The following RADIL variants were observed in gnomAD, a reference collection of about 807,000 sequenced individuals.
The protein encoded by RADIL is ras-associating and dilute domain-containing protein.
In RADIL, 99 loss-of-function variants were observed where a neutral mutation model predicts 97.6. That is an observed-to-expected ratio of 1.01 (90% CI 0.86 to 1.20). The LOEUF is 1.20. Among genes scored for constraint, RADIL ranks in the 50% most tolerant of loss-of-function variants. The probability of loss-of-function intolerance (pLI) is 0.00; values close to 1 mark genes in which losing one functional copy is unlikely to be tolerated. For missense variants in RADIL, 1,765 were observed against 1,498.9 expected (o/e 1.18, Z -2.93); for synonymous variants, 803 against 691.8 (o/e 1.16, Z -2.52).
rs1008431965 is a variant in RADIL at position 4,861,998 on chromosome 7, G to A, written c.535+15607C>T. 14 of 441,148 alleles carry A rather than the reference G, an allele frequency of 3.2e-5. No individual in the cohort carries two copies. The East Asian group carries it at 3.8e-4, about 12-fold the overall frequency. The allele number at this position is 441,148 out of a possible 1,614,324, so 27.3% of individuals were successfully genotyped here. On this transcript the variant is annotated intron_variant, in intron 2 of 14. Transcript: ENST00000399583. ...TCCTTCCCCTCAGCCCCAACATGGC[G>A]CCAGACCCCTCAGCGGCTGCGTTCC...
intron 9 of RADIL, among the ~76,000 whole-genome samples, chr7:4,806,932 G>T (rs535008744): frequency 2.0e-5 from 3 of 152,284 alleles, no homozygotes; most frequent in Non-Finnish European, 4.4e-5. Context: ...AAGCCTGTGG[G>T]TTCTCTGCAC....
At chr7:4,845,286 G>A (rs1230299810) in intron 2 of RADIL, among the ~76,000 whole-genome samples, 1 of 152,034 alleles carries the variant, frequency 6.6e-6, no homozygotes, top group Non-Finnish European at 1.5e-5. Context: ...AGATGTGGTG[G>A]GACACGTCTT....
chr7:4,847,899 T>C (rs147626756), intron 2 of RADIL, among the ~76,000 whole-genome samples: 214 of 151,996 alleles, frequency 1.4e-3, no homozygotes, highest in African/African-American at 4.9e-3. Flanking sequence ...GATCTTTTGG[T>C]GATGAAAACG....
Position 4,817,457 on chromosome 7 carries a change from C to A in RADIL, c.1616-106G>T, listed in dbSNP as rs1205291296. 3 of 970,890 alleles carry A rather than the reference C, an allele frequency of 3.1e-6. No individual in the cohort carries two copies. In the African/African-American group the frequency reaches 4.9e-5, roughly 16 times the overall value. The allele number at this position is 970,890 out of a possible 1,614,324, so 60.1% of individuals were successfully genotyped here. ...TCCCTGGCGCGGGCACCACCCAACGCGCCCATCTGGGGTCCAGATGCGATA... is the reference window on the plus strand; with the variant it reads ...TCCCTGGCGCGGGCACCACCCAACGAGCCCATCTGGGGTCCAGATGCGATA... On this transcript the variant is annotated intron_variant, in intron 6 of 14. Transcript: ENST00000399583. The surrounding 1 kb of genome is among the most constrained non-coding windows in gnomAD (Gnocchi z 8.3).
rs368969739 is a variant in RADIL, at chr7:4,877,999, G to A, written c.141C>T (p.Gly47=). 3.5e-5 allele frequency: 57 copies of A among 1,609,952 alleles called. No individual in the cohort carries two copies. The highest frequency in any genetic ancestry group is 3.0e-4 in the African/African-American group (22 of 74,318). ...RDLDSTFSSL[G]ASDDPAELST... ...AGAGCTCGGCGGGGTCATCGCTGGCGCCCAGGCTGGAGAAGGTGGAGTCCA... is the reference window on the plus strand; with the variant it reads ...AGAGCTCGGCGGGGTCATCGCTGGCACCCAGGCTGGAGAAGGTGGAGTCCA... The change falls in exon 2 of 15, where the codon GGC becomes GGT. Residue 47 remains glycine, a synonymous_variant. Coordinates refer to ENST00000399583, the MANE Select transcript of RADIL (RefSeq NM_018059.5).
chr7:4,832,696 G>A (rs181958286), intron 4 of RADIL, among the ~76,000 whole-genome samples: 73 of 136,368 alleles, frequency 5.4e-4, no homozygotes, highest in African/African-American at 1.9e-3. Context: ...ACGAGATCAC[G>A]CCACCGCACT....
intron 9 of RADIL, among the ~76,000 whole-genome samples, chr7:4,811,469 G>A (rs1430206390): frequency 7.0e-6 from 1 of 142,700 alleles, no homozygotes; most frequent in Non-Finnish European, 1.5e-5. Flanking sequence ...TGGTACTGAT[G>A]GTATTATTTC....
chr7:4,832,247 A>C, intron 4 of RADIL, 69 bp from the exon 5 acceptor site: 2 of 1,466,250 alleles, frequency 1.4e-6, no homozygotes, highest in Non-Finnish European at 1.9e-6. Context: ...GTTCAAATAC[A>C]CGATACCATC....
Position 4,840,122 on chromosome 7 carries a change from C to G in RADIL, c.536-3517G>C, listed in dbSNP as rs994064300. ...GCTCACGTGTGGCTTTGTGACTTGG[C>G]CCTGTCCCAAGATGAGGCTGCGGCA... is the stretch of plus-strand genomic sequence containing the variant. On this transcript the variant is annotated intron_variant, in intron 2 of 14. Coordinates refer to ENST00000399583, the MANE Select transcript of RADIL (RefSeq NM_018059.5). The surrounding 1 kb of genome is among the most constrained non-coding windows in gnomAD (Gnocchi z 5.6). Among the ~76,000 whole-genome samples the G allele has an allele frequency of 9.2e-5, 14 of 152,204 alleles. No individual in the cohort carries two copies. Among genetic ancestry groups the G allele is most frequent in the African/African-American group, 3.1e-4 (13 of 41,458 alleles).
At chr7:4,866,915 A>G (rs1784143701) in intron 2 of RADIL, among the ~76,000 whole-genome samples, 2 of 152,232 alleles carry the variant, frequency 1.3e-5, no homozygotes, top group Non-Finnish European at 2.9e-5. Flanking sequence ...TGGCAAGACC[A>G]GATCGAGAAT....
chr7:4,836,234 A>G, intron 3 of RADIL, 124 bp downstream of exon 3: 1 of 1,405,854 alleles, frequency 7.1e-7, no homozygotes, highest in Non-Finnish European at 9.6e-7. Flanking sequence ...GCACAGCCAG[A>G]GGGGCTGCAG....
At chr7:4,846,110 G>C (rs554161842) in intron 2 of RADIL, among the ~76,000 whole-genome samples, 1 of 147,708 alleles carries the variant, frequency 6.8e-6, no homozygotes, top group South Asian at 2.1e-4. Flanking sequence ...TTTTGTTCCA[G>C]AGCTACAATC....
Position 4,815,347 on chromosome 7 carries a change from T to A in RADIL, c.2070A>T (p.Gly690=). 6.4e-7 allele frequency: 1 copy of A among 1,557,122 alleles called. No individual in the cohort carries two copies. The highest frequency in any genetic ancestry group is 8.7e-7 in the Non-Finnish European group (1 of 1,151,642). The change falls in exon 9 of 15, where the codon GGA becomes GGT. Residue 690 remains glycine, a synonymous_variant. Transcript: ENST00000399583. The surrounding 1 kb of genome is among the most constrained non-coding windows in gnomAD (Gnocchi z 8.0). The part of the protein sequence containing the change: ...WMRSAGFGAA[G]EHFFQKLSCT... ...AGGAGAGCTTCTGGAAGAAGTGCTC[T>A]CCAGCCGCCCCGAAGCCGGCGCTCC...
rs1180866244 is a variant in RADIL at position 4,813,433 on chromosome 7, C to T, written c.2139+1845G>A. Reference sequence around the variant, plus strand: ...TTTAAAGCCTCTCTCCATCGCACTCCCTGGAGATTCAGAATGTTGGCAAGT... The same window carrying T: ...TTTAAAGCCTCTCTCCATCGCACTCTCTGGAGATTCAGAATGTTGGCAAGT... On this transcript the variant is annotated intron_variant, in intron 9 of 14. Coordinates refer to ENST00000399583, the MANE Select transcript of RADIL (RefSeq NM_018059.5). The surrounding 1 kb of genome is among the most constrained non-coding windows in gnomAD (Gnocchi z 5.0). Among the ~76,000 whole-genome samples the T allele has an allele frequency of 6.6e-6, 1 of 152,178 alleles. No homozygotes were observed. The highest frequency in any genetic ancestry group is 1.5e-5 in the Non-Finnish European group (1 of 68,044).
chr7:4,865,854 G>T, intron 2 of RADIL: 1 of 693,528 alleles, frequency 1.4e-6, no homozygotes, highest in Non-Finnish European at 2.6e-6. Flanking sequence ...TCTGTGTTGA[G>T]ATATGTTTAG....
In RADIL at chr7:4,842,717, T is replaced by C. The variant is rs1380269777; in HGVS notation, c.536-6112A>G. On this transcript the variant is annotated intron_variant, in intron 2 of 14. Coordinates refer to ENST00000399583, the MANE Select transcript of RADIL (RefSeq NM_018059.5). The surrounding 1 kb of genome is among the most constrained non-coding windows in gnomAD (Gnocchi z 4.5). The stretch of plus-strand genomic sequence containing the variant: ...CTTGATGGTTTGGAATAATGATATA[T>C]ACAACTTGGAACCGTTTCTGTCACC... Among the ~76,000 whole-genome samples, 1 of 152,160 alleles carries C rather than the reference T, an allele frequency of 6.6e-6. No homozygotes were observed. Among genetic ancestry groups the C allele is most frequent in the African/African-American group, 2.4e-5 (1 of 41,448 alleles).
rs1179184347 is a variant in RADIL at position 4,815,351 on chromosome 7, G to A, written c.2066C>T (p.Ala689Val). The A allele has an allele frequency of 2.6e-6, 4 of 1,557,616 alleles. No individual in the cohort carries two copies. The African/African-American group carries it at 4.1e-5, about 16-fold the overall frequency. Residue 689 changes from alanine to valine, a missense_variant, in exon 9 of 15, where the codon GCT becomes GTT. Physicochemically the swap from Ala to Val is moderately conservative, Grantham distance 64 (BLOSUM62 0). Coordinates refer to ENST00000399583, the MANE Select transcript of RADIL (RefSeq NM_018059.5). This position sits in a 1 kb window ranked among gnomAD's most constrained non-coding sequence, Gnocchi z 8.0. ...EWMRSAGFGA[A>V]GEHFFQKLSC... ...GAGCTTCTGGAAGAAGTGCTCTCCA[G>A]CCGCCCCGAAGCCGGCGCTCCGCAT... is the stretch of plus-strand genomic sequence containing the variant.
intron 10 of RADIL, among the ~76,000 whole-genome samples, chr7:4,804,450 C>G (rs1226661456): frequency 6.6e-6 from 1 of 152,238 alleles, no homozygotes; most frequent in Non-Finnish European, 1.5e-5. Flanking sequence ...GGTGTTAACA[C>G]ATAATGCAGA....
intron 2 of RADIL, among the ~76,000 whole-genome samples, chr7:4,846,836 C>T (rs1302868676): frequency 1.3e-5 from 2 of 152,200 alleles, no homozygotes; most frequent in South Asian, 2.1e-4. Flanking sequence ...CATGAGCCAC[C>T]GTGCCCAGCC....
Sources: gnomAD v4.1 joint callset for allele counts (sites outside exome capture counted in the v4.1 genomes callset) on GRCh38, gnomAD v4.1.1 for gene constraint, Gnocchi (gnomAD v3.1) non-coding constraint, MANE v1.5 for transcripts, NCBI Gene and HGNC (gene_info 2026-07-23, HGNC 2026-07-21) for gene names.